Variants in PPP1R12C observed in about 807,000 individuals in gnomAD.
PPP1R12C encodes protein phosphatase 1 regulatory subunit 12C.
Under a neutral mutation model 95.6 loss-of-function variants are expected in PPP1R12C, and 48 were observed. That is an observed-to-expected ratio of 0.50 (90% confidence interval 0.40 to 0.64). The LOEUF is 0.64. PPP1R12C is among the 30% of genes least tolerant of loss of function. The probability of loss-of-function intolerance (pLI) is 0.00; values close to 1 mark genes in which losing one functional copy is unlikely to be tolerated. For synonymous variants in PPP1R12C, 480 were observed against 460.8 expected (o/e 1.04, Z -0.53); for missense variants, 1,057 against 1,083.3 (o/e 0.98, Z 0.34).
intron 9 of PPP1R12C, 63 bp downstream of exon 9, chr19:55,095,804 C>T: frequency 2.5e-6 from 4 of 1,572,394 alleles, no homozygotes; most frequent in South Asian, 2.2e-5. Context: ...GGTTCACAGG[C>T]TGTATGGAAT....
rs1444040659 is a variant in PPP1R12C, at chr19:55,098,856, C to T, written c.879G>A (p.Gly293=). 1.9e-6 allele frequency: 3 copies of T among 1,613,236 alleles called. No homozygotes were observed. Among genetic ancestry groups the T allele is most frequent in the South Asian group, 1.1e-5 (1 of 91,090 alleles). The change falls in exon 6 of 22, where the codon GGG becomes GGA. Residue 293 remains glycine (G), a splice_region_variant and synonymous_variant. Transcript: ENST00000263433. The part of the protein sequence containing the change: ...GGGMDSLTHA[G]QRPCDLADEE... ...CATCGGCCAGGTCACAGGGACGCTG[C>T]CCCTGGGTCAGGGGAGGAGCAGGAT... is the stretch of plus-strand genomic sequence containing the variant.
In PPP1R12C at chr19:55,092,637, C is replaced by G. The variant is rs187012282; in HGVS notation, c.1937G>C (p.Arg646Pro). 2.6e-6 allele frequency: 4 copies of G among 1,533,572 alleles called. No individual in the cohort carries two copies. In the South Asian group the frequency reaches 5.1e-5, roughly 20 times the overall value. 95.0% of individuals were successfully genotyped at this position (1,533,572 alleles called of 1,614,324 possible). Residue 646 changes from arginine to proline, a missense_variant, in exon 17 of 22, where the codon CGC (arginine) becomes CCC (proline). Arg to Pro is a moderately radical substitution (Grantham distance 103). Coordinates refer to ENST00000263433, the MANE Select transcript of PPP1R12C (RefSeq NM_017607.4). ...AEGEEAEPAD[R>P]SQESSTLEGG... is the part of the protein sequence containing the mutation. ...CCGCCCCTACCTGGACTCCTGGCTG[C>G]GGTCAGCCGGCTCCGCCTCCTCCCC...
At chr19:55,097,510 A>G in intron 6 of PPP1R12C, among the ~76,000 whole-genome samples, 1 of 58,006 alleles carries the variant, frequency 1.7e-5, no homozygotes, top group South Asian at 5.0e-4. Flanking sequence ...CTTCACCCCT[A>G]CCCCGCACAG....
chr19:55,105,993 C>T (rs1237668766), intron 3 of PPP1R12C, among the ~76,000 whole-genome samples: 2 of 151,724 alleles, frequency 1.3e-5, no homozygotes, highest in Non-Finnish European at 2.9e-5. Context: ...CAGCCCCTTG[C>T]ACCCAGCAAT....
Position 55,093,094 on chromosome 19 carries a change from C to T in PPP1R12C, c.1765-18G>A, listed in dbSNP as rs747095036. 7 of 1,574,016 alleles carry T rather than the reference C, an allele frequency of 4.4e-6. No individual in the cohort carries two copies. The highest frequency in any genetic ancestry group is 4.7e-5 in the African/African-American group (2 of 42,618). ...GAAGGGTCCTGTCGGGAGGGGGAGG[C>T]GAGTCAGGGAAGCAGGACATCCCGC... On this transcript the variant is annotated intron_variant, in intron 14 of 21. Transcript: ENST00000263433.
In PPP1R12C at chr19:55,112,538, C is replaced by T; in HGVS notation, c.500G>A (p.Gly167Glu). Reference sequence around the variant, plus strand: ...CTCGGCCAGGTCCAGGGGCAGGTCCCCGTCACTGTTGACGGCGGCGATGTT... The same window carrying T: ...CTCGGCCAGGTCCAGGGGCAGGTCCTCGTCACTGTTGACGGCGGCGATGTT... ...GANIAAVNSD[G>E]DLPLDLAESD... is the part of the protein sequence containing the mutation. The change falls in exon 3 of 22, where the codon GGG becomes GAG. Residue 167 changes from glycine (G) to glutamate (E), a missense_variant. Coordinates refer to ENST00000263433, the MANE Select transcript of PPP1R12C (RefSeq NM_017607.4). 1 of 1,613,318 alleles carries T rather than the reference C, an allele frequency of 6.2e-7. No homozygotes were observed. The highest frequency in any genetic ancestry group is 8.5e-7 in the Non-Finnish European group (1 of 1,179,784).
intron 3 of PPP1R12C, among the ~76,000 whole-genome samples, chr19:55,104,474 G>A (rs62126308): frequency 0.29 from 43,134 of 151,300 alleles, 7,346 homozygotes; most frequent in Non-Finnish European, 0.38. Context: ...AGACCAAGGT[G>A]GGCAGATCAC....
intron 7 of PPP1R12C, 40 bp from the exon 8 acceptor site, chr19:55,096,218 G>A (rs201127976): frequency 7.4e-6 from 12 of 1,613,226 alleles, no homozygotes; most frequent in East Asian, 6.7e-5. Flanking sequence ...CAAGCCCGGG[G>A]CCTCCAGCCA....
chr19:55,095,194 C>A, intron 11 of PPP1R12C, 97 bp downstream of exon 11: 1 of 1,356,274 alleles, frequency 7.4e-7, no homozygotes, highest in African/African-American at 1.4e-5. Context: ...AGGAACCAGA[C>A]CCCAGGGGGT....
intron 6 of PPP1R12C, among the ~76,000 whole-genome samples, chr19:55,098,148 G>A (rs932529488): frequency 2.6e-5 from 4 of 152,248 alleles, no homozygotes; most frequent in African/African-American, 9.6e-5. Context: ...ACGCTGGCAT[G>A]GCTCTAGTGC....
intron 3 of PPP1R12C, among the ~76,000 whole-genome samples, chr19:55,106,922 CTG>C (rs2085044794): frequency 6.6e-6 from 1 of 152,162 alleles, no homozygotes; most frequent in Admixed American, 6.5e-5. Flanking sequence ...GCAAGAGGTG[CTG>C]TGTTTTGGCT....
chr19:55,103,633 AC>A, intron 3 of PPP1R12C, 65 bp from the exon 4 acceptor site: 1 of 1,407,722 alleles, frequency 7.1e-7, no homozygotes, highest in Non-Finnish European at 9.5e-7. Context: ...AGGGTCATAC[AC>A]TGGGCTGGCC....
chr19:55,116,880 G>A (rs1194022773), intron 1 of PPP1R12C, among the ~76,000 whole-genome samples: 1 of 152,214 alleles, frequency 6.6e-6, no homozygotes, highest in Non-Finnish European at 1.5e-5. Flanking sequence ...GGATGGTAAG[G>A]AGGACTGCAT....
chr19:55,113,586 C>G (rs1172480328), intron 1 of PPP1R12C: 2 of 1,298,560 alleles, frequency 1.5e-6, no homozygotes, highest in Non-Finnish European at 2.0e-6. Context: ...ACTGGGTGGG[C>G]TCCGGGACCT....
chr19:55,104,171 A>C (rs2085008969), intron 3 of PPP1R12C, among the ~76,000 whole-genome samples: 2 of 97,858 alleles, frequency 2.0e-5, no homozygotes, highest in Non-Finnish European at 3.6e-5. Context: ...TAAAAAAAAA[A>C]AAAAAAAAGT....
chr19:55,092,263 G>A lies in PPP1R12C; in HGVS notation c.2119C>T (p.Arg707Trp), dbSNP rs1485897225. ...AGCTCCACCTTGAGCTGCGCCAGCC[G>A]CAGCGTGGTCTCGGTCAGGGCCTCG... ...LREALTETTL[R>W]LAQLKVELER... Residue 707 changes from arginine (R) to tryptophan (W), a missense_variant, in exon 19 of 22, where the codon CGG (arginine) becomes TGG (tryptophan). Physicochemically the swap from Arg to Trp is moderately radical, Grantham distance 101. Transcript: ENST00000263433. The A allele has an allele frequency of 6.3e-7, 1 of 1,597,974 alleles. No individual in the cohort carries two copies. The highest frequency in any genetic ancestry group is 8.5e-7 in the Non-Finnish European group (1 of 1,172,930).
At chr19:55,116,317 G>C (rs2085153045) in intron 1 of PPP1R12C, among the ~76,000 whole-genome samples, 2 of 151,994 alleles carry the variant, frequency 1.3e-5, no homozygotes, top group South Asian at 4.2e-4. Flanking sequence ...AGAGATGCCC[G>C]GAGAGGACCC....
intron 19 of PPP1R12C, 68 bp downstream of exon 19, chr19:55,092,154 T>A (rs1415165637): frequency 7.1e-7 from 1 of 1,399,812 alleles, no homozygotes; most frequent in Non-Finnish European, 9.7e-7. Context: ...AGGCTCTACC[T>A]CCCAGCAGTC....
chr19:55,103,085 C>T (rs772460160), intron 4 of PPP1R12C, among the ~76,000 whole-genome samples: 13 of 151,906 alleles, frequency 8.6e-5, no homozygotes, highest in Non-Finnish European at 1.9e-4. Context: ...CCCCACTATT[C>T]AGGAGGCTGA....
Sources: allele counts gnomAD v4.1 joint callset (sites outside exome capture counted in the v4.1 genomes callset), GRCh38; gene constraint gnomAD v4.1.1; transcripts MANE v1.5; gene names NCBI Gene and HGNC (gene_info 2026-07-23, HGNC 2026-07-21).